Variants in SLAIN2 observed in about 807,000 individuals in gnomAD.
SLAIN2 encodes the protein SLAIN motif-containing protein 2.
In SLAIN2, 31 loss-of-function variants were observed where a neutral mutation model predicts 56.6. That is an observed-to-expected ratio of 0.55 (90% CI 0.41 to 0.74). The LOEUF (loss-of-function observed/expected upper bound fraction) is 0.74, where lower values mean the gene tolerates loss of function less well. SLAIN2 is among the 30% of genes least tolerant of loss of function. The pLI, the probability that SLAIN2 is intolerant of heterozygous loss-of-function variation, is 0.00. For synonymous variants in SLAIN2, 317 were observed against 284.9 expected, an observed-to-expected ratio of 1.11 and a Z score of -1.13; for missense variants, 777 against 754.2, an observed-to-expected ratio of 1.03 and a Z score of -0.35.
intron 6 of SLAIN2, among the ~76,000 whole-genome samples, chr4:48,417,789 A>G (rs2109789361): frequency 6.6e-6 from 1 of 151,118 alleles, no homozygotes; most frequent in East Asian, 2.0e-4. Flanking sequence ...AGCCTTTGAC[A>G]AAATTCAACA....
rs1192002331 is a variant in SLAIN2, at chr4:48,425,146, T to C, written c.*3069T>C. On this transcript the variant is annotated 3_prime_UTR_variant, in exon 8 of 8. Coordinates refer to ENST00000264313, the MANE Select transcript of SLAIN2 (RefSeq NM_020846.2). ...TTTAACCACAGAAACCCAAATCATATTGCCCTTTCAGATTTAGTCTTCATG... is the reference window on the plus strand; with the variant it reads ...TTTAACCACAGAAACCCAAATCATACTGCCCTTTCAGATTTAGTCTTCATG... The C allele has an allele frequency of 3.3e-5, 5 of 152,162 alleles. No homozygotes were observed. The highest frequency in any genetic ancestry group is 5.9e-5 in the Non-Finnish European group (4 of 67,994). The allele number at this position is 152,162 out of a possible 1,614,324, so 9.4% of individuals were successfully genotyped here.
At chr4:48,342,711 C>CTTTTTT (rs761272695) in intron 1 of SLAIN2, among the ~76,000 whole-genome samples, 1,453 of 65,906 alleles carry the variant, frequency 0.022, 313 homozygotes, top group Non-Finnish European at 0.027. Context: ...GATGGTGCTG[C>CTTTTTT]TTTTTTTTTT....
Position 48,410,254 on chromosome 4 carries a change from C to T in SLAIN2, c.1361-9871C>T, listed in dbSNP as rs547611231. On this transcript the variant is annotated intron_variant, in intron 6 of 7. Coordinates refer to ENST00000264313, the MANE Select transcript of SLAIN2 (RefSeq NM_020846.2). ...TATCTTCTTTGGAGAAATGTCTATTCAAATTCTTTGTCTCTGTTTTTTTAG... is the reference window on the plus strand; with the variant it reads ...TATCTTCTTTGGAGAAATGTCTATTTAAATTCTTTGTCTCTGTTTTTTTAG... 4.0e-5 allele frequency among the ~76,000 whole-genome samples: 6 copies of T among 150,292 alleles called. No individual in the cohort carries two copies. The South Asian group carries it at 1.3e-3, about 32-fold the overall frequency.
rs528870051 is a variant in SLAIN2 at position 48,382,756 on chromosome 4, C to T, written c.1051C>T (p.Arg351Ter). The stretch of plus-strand genomic sequence containing the variant: ...TTCACCATCACCACGCAATTCACCT[C>T]GACCGTCACCTAAGCAGTCACCCAG... ...RFSPSPRNSP[R>*]PSPKQSPRNS... Residue 351 changes from arginine (R) to a stop codon, truncating the protein, a stop_gained, in exon 5 of 8, where the codon CGA (arginine) becomes TGA (stop). Transcript: ENST00000264313. LOFTEE classifies it high-confidence loss of function. 1.2e-6 allele frequency: 2 copies of T among 1,613,722 alleles called. No homozygotes were observed. The highest frequency in any genetic ancestry group is 1.3e-5 in the African/African-American group (1 of 74,946).
chr4:48,369,774 G>A (rs1715616364), intron 1 of SLAIN2, 75 bp from the exon 2 acceptor site: 1 of 1,384,408 alleles, frequency 7.2e-7, no homozygotes, highest in Non-Finnish European at 9.9e-7. Flanking sequence ...TATTTAAATC[G>A]ATCCAAAAGG....
At chr4:48,375,444 ATTTCT>A (rs948721370) in intron 2 of SLAIN2, among the ~76,000 whole-genome samples, 8 of 152,090 alleles carry the variant, frequency 5.3e-5, no homozygotes, top group Non-Finnish European at 2.9e-5. Context: ...CATTCAGCTG[ATTTCT>A]TTTCTTTAAC....
At chr4:48,403,467 A>C (rs1204115365) in intron 6 of SLAIN2, among the ~76,000 whole-genome samples, 2 of 152,084 alleles carry the variant, frequency 1.3e-5, no homozygotes, top group African/African-American at 2.4e-5. Flanking sequence ...CCACTTAAAG[A>C]AGCAGTCTGG....
chr4:48,360,103 G>T (rs546453049), intron 1 of SLAIN2, among the ~76,000 whole-genome samples: 1 of 150,940 alleles, frequency 6.6e-6, no homozygotes, highest in Non-Finnish European at 1.5e-5. Context: ...GCAGTGAGCT[G>T]AGATCGCGCC....
intron 1 of SLAIN2, among the ~76,000 whole-genome samples, chr4:48,344,754 C>T (rs1286128521): frequency 6.6e-6 from 1 of 151,650 alleles, no homozygotes; most frequent in African/African-American, 2.4e-5. Context: ...ATCAGGAATT[C>T]ACATGTATCT....
At chr4:48,387,610 C>T (rs1354732988) in intron 6 of SLAIN2, 1 of 151,410 alleles carries the variant, frequency 6.6e-6, no homozygotes, top group African/African-American at 2.4e-5. Flanking sequence ...TAAAATGTCA[C>T]ATATTTATTT....
intron 6 of SLAIN2, chr4:48,387,577 G>C (rs557597613): frequency 6.1e-4 from 93 of 151,342 alleles, no homozygotes; most frequent in African/African-American, 2.1e-3. Flanking sequence ...GTTTATATTT[G>C]TAGCTGTAGT....
chr4:48,410,267 TC>T (rs563058403), intron 6 of SLAIN2, among the ~76,000 whole-genome samples: 9 of 151,376 alleles, frequency 5.9e-5, no homozygotes, highest in African/African-American at 2.0e-4. Context: ...ATTCTTTGTC[TC>T]TGTTTTTTTA....
chr4:48,401,819 G>A lies in SLAIN2; in HGVS notation c.1360+18035G>A, dbSNP rs188917459. Among the ~76,000 whole-genome samples the A allele has an allele frequency of 1.1e-3, 168 of 152,236 alleles. 1 individual carries two copies. The highest frequency in any genetic ancestry group is 1.9e-3 in the Non-Finnish European group (126 of 68,016). The stretch of plus-strand genomic sequence containing the variant: ...TGTATTTGATCCTGTCATGATGTTA[G>A]CTCGTTATTTTGCAGACTTGTTTAT... On this transcript the variant is annotated intron_variant, in intron 6 of 7. Coordinates refer to ENST00000264313, the MANE Select transcript of SLAIN2 (RefSeq NM_020846.2).
chr4:48,363,690 C>T (rs1232218105), intron 1 of SLAIN2, among the ~76,000 whole-genome samples: 4 of 116,444 alleles, frequency 3.4e-5, no homozygotes, highest in South Asian at 3.6e-4. Flanking sequence ...CCAGTAGGGG[C>T]GGCCGGGCAG....
chr4:48,391,609 G>A (rs1421333867), intron 6 of SLAIN2, among the ~76,000 whole-genome samples: 1 of 152,162 alleles, frequency 6.6e-6, no homozygotes, highest in Non-Finnish European at 1.5e-5. Context: ...GAGGTGAGCA[G>A]CACTTTCACC....
At chr4:48,398,941 G>A (rs56932035) in intron 6 of SLAIN2, among the ~76,000 whole-genome samples, 4,548 of 152,138 alleles carry the variant, frequency 0.03, 74 homozygotes, top group Admixed American at 0.046. Context: ...TGCTTCCAGC[G>A]TTGTTCTTTT....
At chr4:48,361,459 C>A (rs769836849) in intron 1 of SLAIN2, among the ~76,000 whole-genome samples, 1 of 152,076 alleles carries the variant, frequency 6.6e-6, no homozygotes, top group African/African-American at 2.4e-5. Context: ...CTGTGGGGAT[C>A]ATTTTTAGAA....
chr4:48,384,249 A>G (rs1399735515), intron 6 of SLAIN2, among the ~76,000 whole-genome samples: 1 of 152,200 alleles, frequency 6.6e-6, no homozygotes. Flanking sequence ...AACCTGCAAT[A>G]TATTAAATCT....
At chr4:48,388,813 G>T (rs531173309) in intron 6 of SLAIN2, among the ~76,000 whole-genome samples, 4 of 152,278 alleles carry the variant, frequency 2.6e-5, no homozygotes, top group African/African-American at 9.6e-5. Flanking sequence ...TACCACAGAC[G>T]AGTAAAATAA....
Sources: gnomAD v4.1 joint callset for allele counts (sites outside exome capture counted in the v4.1 genomes callset) on GRCh38, gnomAD v4.1.1 for gene constraint, MANE v1.5 for transcripts, NCBI Gene and HGNC (gene_info 2026-07-23, HGNC 2026-07-21) for gene names.